SNRNP40: variants seen among roughly 807,000 people sequenced by gnomAD.
SNRNP40 encodes small nuclear ribonucleoprotein U5 subunit 40.
A neutral mutation model predicts 45.8 loss-of-function variants in SNRNP40; 21 were observed. The ratio of observed to expected loss-of-function variants is 0.46; its 90% CI spans 0.32 to 0.66. The LOEUF is 0.66. Among genes scored for constraint, SNRNP40 ranks in the 30% least tolerant of loss-of-function variants. The pLI is 0.03. For missense variants in SNRNP40, 344 were observed against 439.1 expected, an observed-to-expected ratio of 0.78 and a Z score of 1.94; for synonymous variants, 142 against 163.8, an observed-to-expected ratio of 0.87 and a Z score of 1.01.
chr1:31,294,448 ATATTTATT>A (rs35334975), intron 1 of SNRNP40, among the ~76,000 whole-genome samples: 3 of 149,024 alleles, frequency 2.0e-5, no homozygotes, highest in East Asian at 4.0e-4. Flanking sequence ...CAGCATTTTC[ATATTTATT>A]TATTTATTTA....
At chr1:31,292,169 C>T (rs1266390959) in intron 2 of SNRNP40, among the ~76,000 whole-genome samples, 163 bp from the exon 3 acceptor site, 7 of 152,084 alleles carry the variant, frequency 4.6e-5, no homozygotes, top group African/African-American at 1.7e-4. Context: ...TCGAGACCAG[C>T]GTGGCTGATA....
chr1:31,284,982 A>G (rs566153173), intron 4 of SNRNP40, among the ~76,000 whole-genome samples: 2 of 152,290 alleles, frequency 1.3e-5, no homozygotes, highest in African/African-American at 2.4e-5. Context: ...TAGATCCTAT[A>G]TATTTTATAA....
chr1:31,269,294 C>A (rs1267719712), intron 6 of SNRNP40, 54 bp from the exon 7 acceptor site: 1 of 1,605,228 alleles, frequency 6.2e-7, no homozygotes, highest in Admixed American at 1.7e-5. Context: ...CGGCCAGAGG[C>A]CTCCTGGGCA....
intron 5 of SNRNP40, among the ~76,000 whole-genome samples, chr1:31,273,564 C>T (rs534529592): frequency 2.3e-4 from 34 of 151,108 alleles, no homozygotes; most frequent in Non-Finnish European, 4.0e-4. Context: ...CACTTGAACC[C>T]GGGAGGCGGA....
chr1:31,296,070 A>C (rs899014492), intron 1 of SNRNP40, among the ~76,000 whole-genome samples: 2 of 152,224 alleles, frequency 1.3e-5, no homozygotes, highest in Non-Finnish European at 2.9e-5. Context: ...AAAATGGGTT[A>C]ATAACGTTCC....
chr1:31,292,830 T>C (rs114962450), intron 2 of SNRNP40: 238 of 182,244 alleles, frequency 1.3e-3, no homozygotes, highest in African/African-American at 5.5e-3. Flanking sequence ...ATATGCTAGC[T>C]AGGATTCTGG....
intron 1 of SNRNP40, among the ~76,000 whole-genome samples, chr1:31,294,629 T>G (rs1646128953): frequency 6.6e-6 from 1 of 151,782 alleles, no homozygotes; most frequent in Non-Finnish European, 1.5e-5. Flanking sequence ...CCGGCCAGAT[T>G]CATTTAGTTT....
chr1:31,292,057 A>C (rs1305774994), intron 2 of SNRNP40, 51 bp from the exon 3 acceptor site: 2 of 1,236,102 alleles, frequency 1.6e-6, no homozygotes, highest in Non-Finnish European at 1.2e-6. Context: ...GGTACTTATA[A>C]ATTTATCAGA....
intron 5 of SNRNP40, among the ~76,000 whole-genome samples, chr1:31,279,364 A>G (rs769654060): frequency 6.6e-6 from 1 of 151,902 alleles, no homozygotes; most frequent in Non-Finnish European, 1.5e-5. Flanking sequence ...TTAATGATGT[A>G]AAGCTCTGAG....
At chr1:31,272,542 T>C (rs1384858322) in intron 5 of SNRNP40, among the ~76,000 whole-genome samples, 1 of 152,206 alleles carries the variant, frequency 6.6e-6, no homozygotes, top group East Asian at 1.9e-4. Flanking sequence ...TATGTGTCAT[T>C]GGGTCACTAA....
At chr1:31,281,272 T>C (rs890420763) in intron 5 of SNRNP40, 102 bp downstream of exon 5, 2 of 899,386 alleles carry the variant, frequency 2.2e-6, no homozygotes, top group East Asian at 2.5e-5. Flanking sequence ...TTCCTTTCAG[T>C]TGGTATTAAG....
At chr1:31,295,200 A>T (rs1240150027) in intron 1 of SNRNP40, among the ~76,000 whole-genome samples, 13 of 152,030 alleles carry the variant, frequency 8.6e-5, no homozygotes, top group Admixed American at 8.5e-4. Flanking sequence ...TCCTGTCTCT[A>T]CAAAAAAATA....
Position 31,296,746 on chromosome 1 carries a change from TATCATGGCGGCAACCGGTCTCTTC to T in SNRNP40, c.-19_5del. On this transcript the variant is annotated start_lost and 5_prime_UTR_variant, in exon 1 of 10. Transcript: ENST00000263694. ...CTGGGCCCTTACGCTTCTGCTGTTC[TATCATGGCGGCAACCGGTCTCTTC>T]AGCGCCGCCACTGACCGCGCTGCCG... 1 of 1,601,276 alleles carries T rather than the reference TATCATGGCGGCAACCGGTCTCTTC, an allele frequency of 6.2e-7. No individual in the cohort carries two copies. Among genetic ancestry groups the T allele is most frequent in the Non-Finnish European group, 8.5e-7 (1 of 1,174,338 alleles).
chr1:31,277,970 C>T (rs1328488595), intron 5 of SNRNP40, among the ~76,000 whole-genome samples: 2 of 152,222 alleles, frequency 1.3e-5, no homozygotes, highest in African/African-American at 4.8e-5. Flanking sequence ...GTTTGGATTA[C>T]AGGCGTGAGC....
At chr1:31,270,432 A>G (rs1031773665) in intron 6 of SNRNP40, among the ~76,000 whole-genome samples, 1 of 152,182 alleles carries the variant, frequency 6.6e-6, no homozygotes, top group African/African-American at 2.4e-5. Context: ...TCTTATCAAA[A>G]AAATTAAGGA....
At chr1:31,284,171 C>T (rs543574361) in intron 4 of SNRNP40, among the ~76,000 whole-genome samples, 4 of 152,242 alleles carry the variant, frequency 2.6e-5, no homozygotes, top group South Asian at 2.1e-4. Flanking sequence ...TGCAGTGAGC[C>T]GTGATTGCGG....
At chr1:31,289,451 TAA>T in intron 3 of SNRNP40, 32 bp from the exon 4 acceptor site, 1 of 1,579,016 alleles carries the variant, frequency 6.3e-7, no homozygotes, top group South Asian at 1.1e-5. Flanking sequence ...AAAAAAGAAA[TAA>T]GTGAAGATAA....
At chr1:31,274,278 C>A (rs1186809966) in intron 5 of SNRNP40, among the ~76,000 whole-genome samples, 3 of 152,114 alleles carry the variant, frequency 2.0e-5, no homozygotes, top group South Asian at 2.1e-4. Context: ...CCCTCTGTTG[C>A]CAGGCTGGAG....
chr1:31,277,959 T>C (rs1193077932), intron 5 of SNRNP40, among the ~76,000 whole-genome samples: 1 of 152,224 alleles, frequency 6.6e-6, no homozygotes, highest in Non-Finnish European at 1.5e-5. Context: ...CCTCTCAAAG[T>C]GTTTGGATTA....
Sources: allele counts gnomAD v4.1 joint callset (sites outside exome capture counted in the v4.1 genomes callset), GRCh38; gene constraint gnomAD v4.1.1; transcripts MANE v1.5; gene names NCBI Gene and HGNC (gene_info 2026-07-23, HGNC 2026-07-21).